Variants in KMT2A observed in about 807,000 individuals in gnomAD.
The protein encoded by KMT2A is histone-lysine N-methyltransferase 2A.
KMT2A carries 16 observed loss-of-function variants against 345.3 expected under a neutral mutation model. The observed-to-expected ratio is 0.05, with a 90% CI of 0.03 to 0.07. The LOEUF (loss-of-function observed/expected upper bound fraction) is 0.07, where lower values mean the gene tolerates loss of function less well. Among genes scored for constraint, KMT2A ranks in the 10% least tolerant of loss-of-function variants. The probability of loss-of-function intolerance (pLI) is 1.00; values close to 1 mark genes in which losing one functional copy is unlikely to be tolerated. For synonymous variants in KMT2A, 1,599 were observed against 1,778.6 expected (o/e 0.90, Z 2.54); for missense variants, 3,272 against 4,841.6 (o/e 0.68, Z 9.62).
At chr11:118,475,013 G>T (rs1230978730) in intron 3 of KMT2A, among the ~76,000 whole-genome samples, 1 of 151,566 alleles carries the variant, frequency 6.6e-6, no homozygotes, top group Non-Finnish European at 1.5e-5. Flanking sequence ...CATGCCTCTA[G>T]TCCCAGCTAC....
At chr11:118,482,197 T>G in intron 7 of KMT2A, 105 bp downstream of exon 7, 1 of 1,305,098 alleles carries the variant, frequency 7.7e-7, no homozygotes, top group Non-Finnish European at 1.0e-6. Flanking sequence ...ATTTGAAGTC[T>G]TCAGTTCAAG....
chr11:118,493,704 T>TTTTA lies in KMT2A; in HGVS notation c.5178+494_5178+497dup, dbSNP rs1303118153. ...CTATATTTGCGATTCTGTTGTTTAT[T>TTTTA]TTTATTTATTTATTTATTTATTTGA... On this transcript the variant is annotated intron_variant, in intron 16 of 35. Transcript: ENST00000534358. The surrounding 1 kb of genome is among the most constrained non-coding windows in gnomAD (Gnocchi z 5.8). Among the ~76,000 whole-genome samples, 9 of 152,042 alleles carry TTTTA rather than the reference T, an allele frequency of 5.9e-5. No individual in the cohort carries two copies. The highest frequency in any genetic ancestry group is 1.4e-4 in the African/African-American group (6 of 41,408).
intron 5 of KMT2A, 150 bp from the exon 6 acceptor site, chr11:118,480,024 T>G: frequency 1.6e-6 from 1 of 614,746 alleles, no homozygotes; most frequent in Non-Finnish European, 2.8e-6. Context: ...AGGCTCAGAT[T>G]TAATCTGAGT....
intron 3 of KMT2A, among the ~76,000 whole-genome samples, chr11:118,474,610 G>C (rs1166692337): frequency 6.6e-6 from 1 of 152,198 alleles, no homozygotes; most frequent in Non-Finnish European, 1.5e-5. Context: ...GGTGAACTAA[G>C]GCTGAATGAA....
Position 118,498,593 on chromosome 11 carries a change from C to T in KMT2A, c.5961+65C>T. 3 of 1,491,472 alleles carry T rather than the reference C, an allele frequency of 2.0e-6. No homozygotes were observed. Among genetic ancestry groups the T allele is most frequent in the Non-Finnish European group, 1.8e-6 (2 of 1,116,126 alleles). The allele number at this position is 1,491,472 out of a possible 1,614,324, so 92.4% of individuals were successfully genotyped here. On this transcript the variant is annotated intron_variant, in intron 22 of 35. Transcript: ENST00000534358. The surrounding 1 kb of genome is among the most constrained non-coding windows in gnomAD (Gnocchi z 4.4). ...CTTTTTTAGAGCAGTTTTAGGTTCA[C>T]AGCAAAATTGACTGGAAGGTACAGA...
At position 118,498,371 on chromosome 11, in the gene KMT2A, G is replaced by A; in HGVS notation, c.5804G>A (p.Arg1935Lys). Residue 1935 changes from arginine to lysine, a missense_variant and splice_region_variant, in exon 22 of 36, where the codon AGA (arginine) becomes AAA (lysine). Transcript: ENST00000534358. The surrounding 1 kb of genome is among the most constrained non-coding windows in gnomAD (Gnocchi z 4.4). ...ACTCTGTTCTTTTTGGATTTTTAGA[G>A]ATGTGAATTCTGCCAAAAGCCAGGA... Reference protein sequence around the residue: ...HMAVIRGKQLRCEFCQKPGAT... With the variant: ...HMAVIRGKQLKCEFCQKPGAT... The A allele has an allele frequency of 6.2e-7, 1 of 1,606,206 alleles. No homozygotes were observed. The highest frequency in any genetic ancestry group is 8.5e-7 in the Non-Finnish European group (1 of 1,177,886).
In KMT2A at chr11:118,475,928, G is replaced by A. The variant is rs138177395; in HGVS notation, c.3157-877G>A. Among the ~76,000 whole-genome samples the A allele has an allele frequency of 6.1e-3, 920 of 151,618 alleles. 11 individuals are homozygous for A. The highest frequency in any genetic ancestry group is 0.021 in the African/African-American group (862 of 41,372). ...TTATACTTTCTCTTTTTTTTGAGAC[G>A]GAATTTCGCTCTTGTTGCCCAGGCT... On this transcript the variant is annotated intron_variant, in intron 3 of 35. Coordinates refer to ENST00000534358, the MANE Select transcript of KMT2A (RefSeq NM_001197104.2).
At chr11:118,453,763 A>G (rs377682443) in intron 1 of KMT2A, among the ~76,000 whole-genome samples, 2 of 152,186 alleles carry the variant, frequency 1.3e-5, no homozygotes, top group African/African-American at 2.4e-5. Context: ...CTTCATGACC[A>G]TTGTCTGAAG....
intron 1 of KMT2A, among the ~76,000 whole-genome samples, chr11:118,442,425 G>T (rs1357198629): frequency 2.0e-5 from 3 of 152,230 alleles, no homozygotes; most frequent in African/African-American, 4.8e-5. Flanking sequence ...GAAAGAGGAT[G>T]CCACAGAGTT....
chr11:118,499,684 GCA>G, intron 23 of KMT2A, 149 bp from the exon 24 acceptor site: 2 of 654,202 alleles, frequency 3.1e-6, no homozygotes, highest in Non-Finnish European at 5.4e-6. Flanking sequence ...GGAGGCTGAG[GCA>G]CAGGAATCAC....
intron 8 of KMT2A, among the ~76,000 whole-genome samples, chr11:118,483,323 G>A (rs1321405915): frequency 2.0e-5 from 3 of 151,882 alleles, no homozygotes; most frequent in Non-Finnish European, 4.4e-5. Context: ...ATGAGGGCAG[G>A]AGATCGAGAC....
chr11:118,522,267 G>A lies in KMT2A; in HGVS notation c.*95G>A, dbSNP rs1950986786. On this transcript the variant is annotated 3_prime_UTR_variant, in exon 36 of 36. Transcript: ENST00000534358. The surrounding 1 kb of genome is among the most constrained non-coding windows in gnomAD (Gnocchi z 5.4). ...TCCAGCAGCTGGGAGCTCCCGGATT[G>A]CGTGGCACAGCTGAGGGGCCTCTGT... The A allele has an allele frequency of 1.5e-6, 2 of 1,340,338 alleles. No homozygotes were observed. Among genetic ancestry groups the A allele is most frequent in the Non-Finnish European group, 2.1e-6 (2 of 958,970 alleles). The allele number at this position is 1,340,338 out of a possible 1,614,324, so 83.0% of individuals were successfully genotyped here.
Position 118,523,347 on chromosome 11 carries a change from C to T in KMT2A, c.*1175C>T, listed in dbSNP as rs1441636614. 1 of 229,092 alleles carries T rather than the reference C, an allele frequency of 4.4e-6. No homozygotes were observed. The highest frequency in any genetic ancestry group is 8.7e-6 in the Non-Finnish European group (1 of 115,306). The allele number at this position is 229,092 out of a possible 1,614,324, so 14.2% of individuals were successfully genotyped here. On this transcript the variant is annotated 3_prime_UTR_variant, in exon 36 of 36. Coordinates refer to ENST00000534358, the MANE Select transcript of KMT2A (RefSeq NM_001197104.2). ...GATTTCAAGGCCCACAACTTGGGGA[C>T]TAGACCACCTTATGTTGAGGGAACT...
In KMT2A at chr11:118,494,068, T is replaced by A. The variant is rs782369726; in HGVS notation, c.5179-220T>A. Among the ~76,000 whole-genome samples the A allele has an allele frequency of 9.2e-5, 14 of 152,196 alleles. No individual in the cohort carries two copies. The highest frequency in any genetic ancestry group is 1.8e-4 in the Non-Finnish European group (12 of 68,024). On this transcript the variant is annotated intron_variant, in intron 16 of 35. Transcript: ENST00000534358. This position sits in a 1 kb window ranked among gnomAD's most constrained non-coding sequence, Gnocchi z 5.8. ...GGATAATTTATCATGATACAGCCAA[T>A]TTGTTTGCATTCTTACCTCATTAGC... is the stretch of plus-strand genomic sequence containing the variant.
chr11:118,515,249 ACT>A (rs1362764026), intron 31 of KMT2A, among the ~76,000 whole-genome samples: 3 of 151,644 alleles, frequency 2.0e-5, no homozygotes, highest in Non-Finnish European at 2.9e-5. Context: ...TCCTCCATCT[ACT>A]CTCTTCCCTC....
chr11:118,445,960 C>T (rs868978964), intron 1 of KMT2A, among the ~76,000 whole-genome samples: 4 of 151,690 alleles, frequency 2.6e-5, no homozygotes, highest in Middle Eastern at 3.2e-3. Flanking sequence ...GCTGAGATTC[C>T]GCCACTACAC....
At position 118,519,613 on chromosome 11, in the gene KMT2A, T is replaced by A. The variant is rs782812412; in HGVS notation, c.11147-5T>A. ...TCACTTCCCTGGTGCTTCTGATTCT[T>A]CTAGGTGTTAACGGTTTGAGGATGC... On this transcript the variant is annotated splice_region_variant and splice_polypyrimidine_tract_variant and intron_variant, in intron 31 of 35. Coordinates refer to ENST00000534358, the MANE Select transcript of KMT2A (RefSeq NM_001197104.2). 1 of 1,609,290 alleles carries A rather than the reference T, an allele frequency of 6.2e-7. No individual in the cohort carries two copies. Among genetic ancestry groups the A allele is most frequent in the South Asian group, 1.1e-5 (1 of 91,020 alleles).
intron 24 of KMT2A, chr11:118,500,565 C>G (rs1300894577): frequency 6.4e-6 from 1 of 156,158 alleles, no homozygotes. Context: ...TTACATTTCT[C>G]TTGTCTCATG....
At chr11:118,439,181 A>G in intron 1 of KMT2A, 2 of 405,768 alleles carry the variant, frequency 4.9e-6, no homozygotes, top group Admixed American at 6.9e-5. Context: ...AAAGAAAAAA[A>G]AGAAAAAACT....
Sources: gnomAD v4.1 joint callset for allele counts (sites outside exome capture counted in the v4.1 genomes callset) on GRCh38, gnomAD v4.1.1 for gene constraint, Gnocchi (gnomAD v3.1) non-coding constraint, MANE v1.5 for transcripts, NCBI Gene and HGNC (gene_info 2026-07-23, HGNC 2026-07-21) for gene names.